Variants in LRRIQ1 observed in about 807,000 individuals in gnomAD.
The protein encoded by LRRIQ1 is leucine-rich repeat- and IQ domain-containing protein 1.
In LRRIQ1, 210 loss-of-function variants were observed where a neutral mutation model predicts 211.9. That is an observed-to-expected ratio of 0.99 (90% CI 0.89 to 1.11). The LOEUF (loss-of-function observed/expected upper bound fraction) is 1.11. LRRIQ1 is among the 50% of genes most tolerant of loss of function. LRRIQ1 has a pLI of 0.00. For missense variants in LRRIQ1, 2,136 were observed against 1,939.5 expected, an observed-to-expected ratio of 1.10 and a Z score of -1.90; for synonymous variants, 699 against 650.1, an observed-to-expected ratio of 1.08 and a Z score of -1.14.
intron 26 of LRRIQ1, among the ~76,000 whole-genome samples, chr12:85,235,049 A>C (rs1040063550): frequency 6.6e-6 from 1 of 152,222 alleles, no homozygotes; most frequent in African/African-American, 2.4e-5. Flanking sequence ...ACTCTTTAGT[A>C]ACCTTCAATA....
intron 8 of LRRIQ1, among the ~76,000 whole-genome samples, chr12:85,062,809 T>G (rs1251702218): frequency 2.6e-5 from 4 of 151,814 alleles, no homozygotes; most frequent in African/African-American, 7.2e-5. Context: ...CTAATTTATA[T>G]CTCTACCAAC....
intron 18 of LRRIQ1, among the ~76,000 whole-genome samples, chr12:85,137,017 C>T (rs1340274776): frequency 2.6e-5 from 4 of 151,600 alleles, no homozygotes; most frequent in Non-Finnish European, 4.4e-5. Context: ...TATTGCTATA[C>T]ATTCTACCCT....
In LRRIQ1 at chr12:85,161,174, G is replaced by T. The variant is rs1422389154; in HGVS notation, c.4822+460G>T. Among the ~76,000 whole-genome samples, 3 of 152,074 alleles carry T rather than the reference G, an allele frequency of 2.0e-5. No homozygotes were observed. The South Asian group carries it at 6.2e-4, about 32-fold the overall frequency. ...TTGAAGTTTGCCCAACTCACTGTTG[G>T]AGTGAAGGATTTGCACATCTAGGTG... On this transcript the variant is annotated intron_variant, in intron 24 of 26. Coordinates refer to ENST00000393217, the MANE Select transcript of LRRIQ1 (RefSeq NM_001079910.2).
chr12:85,214,741 A>G (rs986940306), intron 24 of LRRIQ1, among the ~76,000 whole-genome samples: 1 of 152,130 alleles, frequency 6.6e-6, no homozygotes, highest in Non-Finnish European at 1.5e-5. Flanking sequence ...AGAAGAAAAA[A>G]TATAAAACTT....
At chr12:85,235,238 A>G (rs1299257261) in intron 26 of LRRIQ1, among the ~76,000 whole-genome samples, 2 of 152,230 alleles carry the variant, frequency 1.3e-5, no homozygotes, top group Non-Finnish European at 2.9e-5. Flanking sequence ...CGTCAAATAT[A>G]TAGACAATTT....
intron 24 of LRRIQ1, among the ~76,000 whole-genome samples, chr12:85,213,932 C>G (rs1355493817): frequency 6.6e-6 from 1 of 151,898 alleles, no homozygotes; most frequent in African/African-American, 2.4e-5. Context: ...TAACCAGTAT[C>G]ATGAATAGAA....
In LRRIQ1 at chr12:85,152,350, A is replaced by G. The variant is rs766388405; in HGVS notation, c.4400A>G (p.Asn1467Ser). The change falls in exon 20 of 27, where the codon AAC becomes AGC. Residue 1467 changes from asparagine (N) to serine (S), a missense_variant. Coordinates refer to ENST00000393217, the MANE Select transcript of LRRIQ1 (RefSeq NM_001079910.2). ...RFPSQTLLLS[N>S]QLHWPKIPGN... ...CCTTCACAAACACTGCTTCTTTCAA[A>G]CCAGCTGCATTGGCCAAAGGTAACA... is the stretch of plus-strand genomic sequence containing the variant. 6.2e-7 allele frequency: 1 copy of G among 1,611,064 alleles called. No homozygotes were observed. The highest frequency in any genetic ancestry group is 1.7e-5 in the Admixed American group (1 of 59,668).
At chr12:85,166,573 T>C (rs1261325854) in intron 24 of LRRIQ1, among the ~76,000 whole-genome samples, 1 of 152,226 alleles carries the variant, frequency 6.6e-6, no homozygotes, top group Non-Finnish European at 1.5e-5. Flanking sequence ...ACTTCTCCTT[T>C]TTAATGCCAG....
At chr12:85,118,932 A>G (rs1394308016) in intron 15 of LRRIQ1, among the ~76,000 whole-genome samples, 11 of 152,046 alleles carry the variant, frequency 7.2e-5, no homozygotes, top group Non-Finnish European at 2.9e-5. Context: ...ACATACCTCA[A>G]CCCCATACAT....
At chr12:85,070,588 G>T (rs1203128785) in intron 10 of LRRIQ1, among the ~76,000 whole-genome samples, 1 of 151,716 alleles carries the variant, frequency 6.6e-6, no homozygotes, top group Non-Finnish European at 1.5e-5. Context: ...TGTTTAGTTT[G>T]TTTTACTACT....
chr12:85,162,017 C>T (rs145121587), intron 24 of LRRIQ1, among the ~76,000 whole-genome samples: 4 of 150,274 alleles, frequency 2.7e-5, no homozygotes, highest in Non-Finnish European at 4.4e-5. Flanking sequence ...CCAGCCTGGG[C>T]GACAGAGCGA....
At chr12:85,110,749 A>G (rs953460929) in intron 15 of LRRIQ1, among the ~76,000 whole-genome samples, 34 of 152,220 alleles carry the variant, frequency 2.2e-4, no homozygotes, top group African/African-American at 7.9e-4. Context: ...ATTCTGGGGG[A>G]GGAATATCCA....
At chr12:85,078,384 A>G (rs1883907847) in intron 11 of LRRIQ1, among the ~76,000 whole-genome samples, 2 of 152,164 alleles carry the variant, frequency 1.3e-5, no homozygotes, top group Admixed American at 1.3e-4. Flanking sequence ...AAGTTAAGTC[A>G]CTTGTCTACC....
rs1315115741 is a variant in LRRIQ1 at position 85,062,141 on chromosome 12, A to G, written c.2392-3121A>G. Among the ~76,000 whole-genome samples the G allele has an allele frequency of 5.9e-5, 9 of 151,940 alleles. No homozygotes were observed. In the East Asian group the frequency reaches 1.4e-3, roughly 23 times the overall value. ...AAATAATAGTGCTTCCAATTTTAATATAATGTTTTTATAATTTTAAGTATG... is the reference window on the plus strand; with the variant it reads ...AAATAATAGTGCTTCCAATTTTAATGTAATGTTTTTATAATTTTAAGTATG... On this transcript the variant is annotated intron_variant, in intron 8 of 26. Coordinates refer to ENST00000393217, the MANE Select transcript of LRRIQ1 (RefSeq NM_001079910.2).
intron 24 of LRRIQ1, among the ~76,000 whole-genome samples, chr12:85,176,986 A>G (rs1592927272): frequency 6.6e-6 from 1 of 152,228 alleles, no homozygotes; most frequent in Middle Eastern, 3.4e-3. Context: ...GGAGTTATGT[A>G]AGACAGAGTT....
intron 26 of LRRIQ1, among the ~76,000 whole-genome samples, chr12:85,239,299 T>C (rs1193354145): frequency 2.0e-5 from 3 of 151,010 alleles, no homozygotes; most frequent in Non-Finnish European, 4.4e-5. Flanking sequence ...ATAGTAAGAC[T>C]CGTGCTACAC....
In LRRIQ1 at chr12:85,073,081, C is replaced by T. The variant is rs1439272473; in HGVS notation, c.2870C>T (p.Ser957Phe). 2 of 1,600,430 alleles carry T rather than the reference C, an allele frequency of 1.2e-6. No individual in the cohort carries two copies. Among genetic ancestry groups the T allele is most frequent in the African/African-American group, 1.3e-5 (1 of 74,304 alleles). Reference sequence around the variant, plus strand: ...AATTCAGATTGTAATTTCCTTATCTCCCACTTATACTGGAATTGTAAGTTG... The same window carrying T: ...AATTCAGATTGTAATTTCCTTATCTTCCACTTATACTGGAATTGTAAGTTG... ...TKNSDCNFLI[S>F]HLYWNCGLES... Residue 957 changes from serine (S) to phenylalanine (F), a missense_variant, in exon 11 of 27, where the codon TCC becomes TTC. Coordinates refer to ENST00000393217, the MANE Select transcript of LRRIQ1 (RefSeq NM_001079910.2).
intron 24 of LRRIQ1, among the ~76,000 whole-genome samples, chr12:85,189,129 A>G (rs1419909995): frequency 6.6e-6 from 1 of 152,160 alleles, no homozygotes; most frequent in Non-Finnish European, 1.5e-5. Context: ...AGCTAATTCA[A>G]AGATGCAACT....
intron 25 of LRRIQ1, among the ~76,000 whole-genome samples, chr12:85,232,063 A>G (rs1328540694): frequency 2.0e-5 from 3 of 152,132 alleles, no homozygotes; most frequent in Non-Finnish European, 2.9e-5. Context: ...TTCATGATGA[A>G]ATTTTGATAT....
Sources: gnomAD v4.1 joint callset for allele counts (sites outside exome capture counted in the v4.1 genomes callset) on GRCh38, gnomAD v4.1.1 for gene constraint, MANE v1.5 for transcripts, NCBI Gene and HGNC (gene_info 2026-07-23, HGNC 2026-07-21) for gene names.